The following TTLL5 variants were observed in gnomAD, a reference collection of about 807,000 sequenced individuals.
The protein encoded by TTLL5 is tubulin polyglutamylase TTLL5.
TTLL5 carries 132 observed loss-of-function variants against 168.4 expected under a neutral mutation model. The ratio of observed to expected loss-of-function variants is 0.78; its 90% confidence interval spans 0.68 to 0.91. The LOEUF is 0.91. Among genes scored for constraint, TTLL5 ranks in the 40% least tolerant of loss-of-function variants. The pLI, the probability that TTLL5 is intolerant of heterozygous loss-of-function variation, is 0.00. For synonymous variants in TTLL5, 546 were observed against 558.6 expected (o/e 0.98, Z 0.32); for missense variants, 1,545 against 1,581.5 (o/e 0.98, Z 0.39).
intron 31 of TTLL5, among the ~76,000 whole-genome samples, chr14:75,929,834 G>A (rs764233567): frequency 1.4e-4 from 22 of 152,072 alleles, no homozygotes; most frequent in African/African-American, 5.3e-4. Context: ...TTAGTATCTC[G>A]TCACTTTGAG....
chr14:75,866,967 T>C (rs189173115), intron 29 of TTLL5, among the ~76,000 whole-genome samples: 1 of 152,206 alleles, frequency 6.6e-6, no homozygotes, highest in African/African-American at 2.4e-5. Context: ...ATAAACAAAA[T>C]AAGACAAAAT....
rs573582670 is a variant in TTLL5 at position 75,783,588 on chromosome 14, G to A, written c.2986+58G>A. On this transcript the variant is annotated intron_variant, in intron 26 of 31. Transcript: ENST00000298832. ...TGAGCTCCTCCCCAGCCCCAATAAA[G>A]AAAGGATGTCATCTCTTCCCTTTGC... The A allele has an allele frequency of 3.9e-4, 612 of 1,564,200 alleles. 1 individual carries two copies. Among genetic ancestry groups the A allele is most frequent in the Non-Finnish European group, 5.0e-4 (578 of 1,157,064 alleles).
At chr14:75,952,991 A>G (rs1022809490) in intron 31 of TTLL5, among the ~76,000 whole-genome samples, 3 of 152,242 alleles carry the variant, frequency 2.0e-5, no homozygotes, top group African/African-American at 4.8e-5. Context: ...TGAGTTGTAC[A>G]TGCTAAAGGA....
At chr14:75,795,521 A>G (rs1262683452) in intron 27 of TTLL5, among the ~76,000 whole-genome samples, 1 of 152,118 alleles carries the variant, frequency 6.6e-6, no homozygotes, top group Admixed American at 6.6e-5. Flanking sequence ...TGGTGCACCT[A>G]TCACCCAAGT....
intron 28 of TTLL5, among the ~76,000 whole-genome samples, chr14:75,825,456 T>C (rs1446097419): frequency 6.6e-6 from 1 of 152,176 alleles, no homozygotes; most frequent in Admixed American, 6.5e-5. Flanking sequence ...CAGCAGGCCC[T>C]TTTTCTCTGC....
Position 75,717,917 on chromosome 14 carries a change from A to G in TTLL5, c.797A>G (p.His266Arg). The change falls in exon 10 of 32, where the codon CAT (histidine) becomes CGT (arginine). Residue 266 changes from histidine (H) to arginine (R), a missense_variant. By Grantham distance (29) the His-to-Arg change is conservative (BLOSUM62 0). Transcript: ENST00000298832. ...AAGAACATTCGGAACCAGTTCATGC[A>G]TCTGACAAACTACAGTGTCAACAAG... Reference protein sequence around the residue: ...GAKNIRNQFMHLTNYSVNKKS... With the variant: ...GAKNIRNQFMRLTNYSVNKKS... 1.9e-6 allele frequency: 3 copies of G among 1,613,890 alleles called. No homozygotes were observed. The highest frequency in any genetic ancestry group is 1.7e-6 in the Non-Finnish European group (2 of 1,179,918).
At chr14:75,816,974 A>ATTTTTTTT (rs35736530) in intron 27 of TTLL5, among the ~76,000 whole-genome samples, 11 of 96,078 alleles carry the variant, frequency 1.1e-4, no homozygotes, top group Non-Finnish European at 1.9e-4. Flanking sequence ...TCCCTGTCTT[A>ATTTTTTTT]TTTTTTTTTT....
chr14:75,778,534 T>A (rs144164231), intron 23 of TTLL5, among the ~76,000 whole-genome samples: 1,891 of 152,324 alleles, frequency 0.012, 15 homozygotes, highest in South Asian at 0.026. Context: ...CTTGTGGCAT[T>A]TGGCTACTTT....
At chr14:75,829,211 A>T (rs1380588146) in intron 28 of TTLL5, among the ~76,000 whole-genome samples, 1 of 152,220 alleles carries the variant, frequency 6.6e-6, no homozygotes, top group African/African-American at 2.4e-5. Context: ...TGGGGCTTGG[A>T]TAGGCCAACA....
At chr14:75,726,370 G>A (rs1170301130) in intron 12 of TTLL5, among the ~76,000 whole-genome samples, 2 of 152,078 alleles carry the variant, frequency 1.3e-5, no homozygotes, top group African/African-American at 4.8e-5. Flanking sequence ...CAATTATTTT[G>A]TCTTTCTCAA....
At chr14:75,718,678 G>A (rs1887630209) in intron 10 of TTLL5, among the ~76,000 whole-genome samples, 1 of 152,082 alleles carries the variant, frequency 6.6e-6, no homozygotes, top group East Asian at 1.9e-4. Context: ...AAAAGAAAAG[G>A]AAAAAATCAA....
chr14:75,953,234 C>CT (rs755722692), intron 31 of TTLL5, among the ~76,000 whole-genome samples: 1 of 152,294 alleles, frequency 6.6e-6, no homozygotes, highest in East Asian at 1.9e-4. Flanking sequence ...AAATTGTAAA[C>CT]TGAGGCAATA....
chr14:75,783,328 G>A lies in TTLL5; in HGVS notation c.2784G>A (p.Met928Ile). 6.2e-7 allele frequency: 1 copy of A among 1,614,062 alleles called. No homozygotes were observed. Among genetic ancestry groups the A allele is most frequent in the Admixed American group, 1.7e-5 (1 of 60,020 alleles). The stretch of plus-strand genomic sequence containing the variant: ...AAATTCCTTCAGCTATCCCCAGCAT[G>A]CCTCACCAGCCAACAATTTTACTGA... ...LSQIPSAIPSMPHQPTILLNT... is the reference protein window; with the variant it reads ...LSQIPSAIPSIPHQPTILLNT... The change falls in exon 26 of 32, where the codon ATG (methionine) becomes ATA (isoleucine). Residue 928 changes from methionine (M) to isoleucine (I), a missense_variant. Met to Ile is a conservative substitution (Grantham distance 10). Transcript: ENST00000298832.
At chr14:75,702,275 C>T (rs1422460543) in intron 7 of TTLL5, among the ~76,000 whole-genome samples, 2 of 152,336 alleles carry the variant, frequency 1.3e-5, no homozygotes, top group Non-Finnish European at 2.9e-5. Context: ...TGCCTTGGCT[C>T]TGTCTCCTCT....
At chr14:75,772,482 C>T (rs566604242) in intron 21 of TTLL5, among the ~76,000 whole-genome samples, 1 of 152,236 alleles carries the variant, frequency 6.6e-6, no homozygotes, top group African/African-American at 2.4e-5. Context: ...CTAGTTGTAA[C>T]CTCTTAAGAT....
intron 31 of TTLL5, among the ~76,000 whole-genome samples, chr14:75,934,581 C>A (rs758904227): frequency 5.6e-4 from 85 of 152,028 alleles, no homozygotes; most frequent in Non-Finnish European, 9.9e-4. Flanking sequence ...ATGCTTAAGT[C>A]TAGGTTGAAT....
intron 26 of TTLL5, among the ~76,000 whole-genome samples, chr14:75,788,058 G>A (rs1395148550): frequency 1.3e-5 from 2 of 152,122 alleles, no homozygotes; most frequent in Non-Finnish European, 2.9e-5. Flanking sequence ...GGCTGAGGTG[G>A]GAGGATTGCT....
At chr14:75,682,144 C>G (rs571565196) in intron 4 of TTLL5, among the ~76,000 whole-genome samples, 128 of 144,538 alleles carry the variant, frequency 8.9e-4, no homozygotes, top group Non-Finnish European at 1.7e-3. Context: ...GAGCCGAGAT[C>G]ACACCACTGC....
chr14:75,922,921 T>G (rs1054094186), intron 31 of TTLL5, among the ~76,000 whole-genome samples: 2 of 152,228 alleles, frequency 1.3e-5, no homozygotes, highest in African/African-American at 4.8e-5. Flanking sequence ...GTTATTGGTC[T>G]ATTCAGAGAT....
Sources: gnomAD v4.1 joint callset for allele counts (sites outside exome capture counted in the v4.1 genomes callset) on GRCh38, gnomAD v4.1.1 for gene constraint, MANE v1.5 for transcripts, NCBI Gene and HGNC (gene_info 2026-07-23, HGNC 2026-07-21) for gene names.